Variants in UBE2QL1 observed in about 807,000 individuals in gnomAD.
The protein encoded by UBE2QL1 is ubiquitin conjugating enzyme E2 QL1.
UBE2QL1 carries 5 observed loss-of-function variants against 12.6 expected under a neutral mutation model. The ratio of observed to expected loss-of-function variants is 0.40; its 90% CI spans 0.21 to 0.83. The LOEUF (loss-of-function observed/expected upper bound fraction) is 0.83. Among genes scored for constraint, UBE2QL1 ranks in the 40% least tolerant of loss-of-function variants. UBE2QL1 has a pLI of 0.37. For synonymous variants in UBE2QL1, 96 were observed against 94.5 expected (o/e 1.02, Z -0.10); for missense variants, 99 against 222.6 (o/e 0.44, Z 3.53).
intron 1 of UBE2QL1, among the ~76,000 whole-genome samples, chr5:6,472,489 A>G (rs997699250): frequency 6.6e-6 from 1 of 152,150 alleles, no homozygotes; most frequent in African/African-American, 2.4e-5. Flanking sequence ...ACAGGACCCT[A>G]GAGGCATCTA....
chr5:6,454,044 C>A (rs1432400716), intron 1 of UBE2QL1, among the ~76,000 whole-genome samples: 2 of 152,158 alleles, frequency 1.3e-5, no homozygotes, highest in African/African-American at 4.8e-5. Flanking sequence ...CTTTGCCCAG[C>A]TAATTTTGTT....
chr5:6,466,166 G>A (rs549651051), intron 1 of UBE2QL1, among the ~76,000 whole-genome samples: 4 of 152,298 alleles, frequency 2.6e-5, no homozygotes, highest in South Asian at 2.1e-4. Context: ...GCGTCTTCAC[G>A]GTGGAACTAG....
intron 1 of UBE2QL1, among the ~76,000 whole-genome samples, chr5:6,455,827 C>T (rs966264425): frequency 6.6e-6 from 1 of 152,144 alleles, no homozygotes; most frequent in African/African-American, 2.4e-5. Flanking sequence ...CCTCCCCACC[C>T]CACCTGGCTC....
intron 1 of UBE2QL1, among the ~76,000 whole-genome samples, chr5:6,455,019 G>A (rs1378448395): frequency 6.6e-6 from 1 of 152,200 alleles, no homozygotes; most frequent in African/African-American, 2.4e-5. Flanking sequence ...TCAGCCCGGG[G>A]TGCATGGGGC....
At chr5:6,472,707 C>G (rs1345698975) in intron 1 of UBE2QL1, among the ~76,000 whole-genome samples, 1 of 152,166 alleles carries the variant, frequency 6.6e-6, no homozygotes, top group Non-Finnish European at 1.5e-5. Flanking sequence ...TTAGACATCA[C>G]AAATATTTTC....
rs970784612 is a variant in UBE2QL1 at position 6,496,362 on chromosome 5, G to A, written c.*5013G>A. Among the ~76,000 whole-genome samples the A allele has an allele frequency of 1.3e-5, 2 of 152,186 alleles. No individual in the cohort carries two copies. Among genetic ancestry groups the A allele is most frequent in the Admixed American group, 6.5e-5 (1 of 15,282 alleles). On this transcript the variant is annotated 3_prime_UTR_variant, in exon 2 of 2. Coordinates refer to ENST00000399816, the MANE Select transcript of UBE2QL1 (RefSeq NM_001145161.3). ...AACACAGAAACTGCTGTCACCTGATGTGCTTGGTTTCATTCCTGCCTGCCT... is the reference window on the plus strand; with the variant it reads ...AACACAGAAACTGCTGTCACCTGATATGCTTGGTTTCATTCCTGCCTGCCT...
chr5:6,473,741 T>C (rs1734150633), intron 1 of UBE2QL1, among the ~76,000 whole-genome samples: 2 of 152,192 alleles, frequency 1.3e-5, no homozygotes, highest in African/African-American at 4.8e-5. Context: ...GCACAAAACT[T>C]ATTTTTGCTG....
In UBE2QL1 at chr5:6,496,317, G is replaced by A. The variant is rs1734663690; in HGVS notation, c.*4968G>A. Among the ~76,000 whole-genome samples, 1 of 152,190 alleles carries A rather than the reference G, an allele frequency of 6.6e-6. No homozygotes were observed. The highest frequency in any genetic ancestry group is 2.1e-4 in the South Asian group (1 of 4,822). ...ACCTCTAGACCTTGGGCAGTCACTGGTGATGACACTAATTGAACTAACACA... is the reference window on the plus strand; with the variant it reads ...ACCTCTAGACCTTGGGCAGTCACTGATGATGACACTAATTGAACTAACACA... On this transcript the variant is annotated 3_prime_UTR_variant, in exon 2 of 2. Coordinates refer to ENST00000399816, the MANE Select transcript of UBE2QL1 (RefSeq NM_001145161.3).
chr5:6,459,292 C>T (rs1739601157), intron 1 of UBE2QL1, among the ~76,000 whole-genome samples: 1 of 152,162 alleles, frequency 6.6e-6, no homozygotes, highest in Non-Finnish European at 1.5e-5. Context: ...TAAAACTGAT[C>T]TAATAAAAAG....
chr5:6,453,710 C>CAA (rs1491512448), intron 1 of UBE2QL1, among the ~76,000 whole-genome samples: 2 of 4,158 alleles, frequency 4.8e-4, no homozygotes, highest in African/African-American at 1.3e-3. Context: ...CACACATGTG[C>CAA]ACACACACAC....
chr5:6,479,724 G>C lies in UBE2QL1; in HGVS notation c.355-11494G>C, dbSNP rs1299786912. Among the ~76,000 whole-genome samples, 1 of 152,094 alleles carries C rather than the reference G, an allele frequency of 6.6e-6. No homozygotes were observed. Among genetic ancestry groups the C allele is most frequent in the Non-Finnish European group, 1.5e-5 (1 of 68,034 alleles). On this transcript the variant is annotated intron_variant, in intron 1 of 1. Transcript: ENST00000399816. The surrounding 1 kb of genome is among the most constrained non-coding windows in gnomAD (Gnocchi z 4.2). ...GAGTGGAGTGCAGCATCCTGGGTGC[G>C]GCCCAAGAAAAGCAGCTTCCTTTTG... is the stretch of plus-strand genomic sequence containing the variant.
At position 6,472,505 on chromosome 5, in the gene UBE2QL1, T is replaced by C. The variant is rs115169596; in HGVS notation, c.355-18713T>C. 8.4e-3 allele frequency among the ~76,000 whole-genome samples: 1,285 copies of C among 152,314 alleles called. 22 individuals carry two copies. Among genetic ancestry groups the C allele is most frequent in the African/African-American group, 0.029 (1,222 of 41,578 alleles). On this transcript the variant is annotated intron_variant, in intron 1 of 1. Transcript: ENST00000399816. Reference sequence around the variant, plus strand: ...CAGGACCCTAGAGGCATCTAACTGCTGCTTTCCTTGTGCTTTCCTGATGAC... The same window carrying C: ...CAGGACCCTAGAGGCATCTAACTGCCGCTTTCCTTGTGCTTTCCTGATGAC...
chr5:6,459,263 C>A (rs1332835883), intron 1 of UBE2QL1, among the ~76,000 whole-genome samples: 1 of 152,176 alleles, frequency 6.6e-6, no homozygotes, highest in Non-Finnish European at 1.5e-5. Flanking sequence ...ACTTAAAGGA[C>A]ATTACCGTAA....
In UBE2QL1 at chr5:6,478,808, C is replaced by T. The variant is rs1331488504; in HGVS notation, c.355-12410C>T. Among the ~76,000 whole-genome samples, 2 of 152,108 alleles carry T rather than the reference C, an allele frequency of 1.3e-5. No homozygotes were observed. Among genetic ancestry groups the T allele is most frequent in the Admixed American group, 6.6e-5 (1 of 15,266 alleles). ...AGGGCTGCAGGTGGATGATCTCCTGCGCACGTGGGAGAGTGATCCTAGGAC... is the reference window on the plus strand; with the variant it reads ...AGGGCTGCAGGTGGATGATCTCCTGTGCACGTGGGAGAGTGATCCTAGGAC... On this transcript the variant is annotated intron_variant, in intron 1 of 1. Transcript: ENST00000399816. This position sits in a 1 kb window ranked among gnomAD's most constrained non-coding sequence, Gnocchi z 4.5.
rs1431503588 is a variant in UBE2QL1, at chr5:6,450,323, T to G, written c.354+1076T>G. Among the ~76,000 whole-genome samples the G allele has an allele frequency of 3.3e-5, 5 of 152,188 alleles. No individual in the cohort carries two copies. In the East Asian group the frequency reaches 7.7e-4, roughly 23 times the overall value. ...AACAGTTCTCCTGAGCCTTCTCACC[T>G]ATTGCATCAGATGGCAGCTTTACGC... is the stretch of plus-strand genomic sequence containing the variant. On this transcript the variant is annotated intron_variant, in intron 1 of 1. Coordinates refer to ENST00000399816, the MANE Select transcript of UBE2QL1 (RefSeq NM_001145161.3).
intron 1 of UBE2QL1, among the ~76,000 whole-genome samples, chr5:6,453,713 A>T (rs1374369197): frequency 1.2e-5 from 1 of 83,056 alleles, no homozygotes; most frequent in African/African-American, 3.5e-5. Context: ...ACATGTGCAC[A>T]CACACACACA....
chr5:6,484,916 A>G (rs937365725), intron 1 of UBE2QL1, among the ~76,000 whole-genome samples: 2 of 151,960 alleles, frequency 1.3e-5, no homozygotes, highest in Admixed American at 1.3e-4. Context: ...CCCTCCACTC[A>G]GCCAAGAGCC....
Position 6,476,948 on chromosome 5 carries a change from A to T in UBE2QL1, c.355-14270A>T, listed in dbSNP as rs147624644. Among the ~76,000 whole-genome samples, 380 of 151,948 alleles carry T rather than the reference A, an allele frequency of 2.5e-3. 3 individuals carry two copies. Among genetic ancestry groups the T allele is most frequent in the African/African-American group, 7.7e-3 (321 of 41,454 alleles). ...AAACTCCAGGGACCCCGAAATTCCC[A>T]CCTTCACCCCATCCTCCCCAGGATG... On this transcript the variant is annotated intron_variant, in intron 1 of 1. Transcript: ENST00000399816. This position sits in a 1 kb window ranked among gnomAD's most constrained non-coding sequence, Gnocchi z 4.9.
At chr5:6,461,873 G>A (rs1364651483) in intron 1 of UBE2QL1, among the ~76,000 whole-genome samples, 1 of 152,172 alleles carries the variant, frequency 6.6e-6, no homozygotes, top group African/African-American at 2.4e-5. Context: ...ACCGTTTAGA[G>A]GTCTCAGGTT....
Sources: gnomAD v4.1 joint callset for allele counts (sites outside exome capture counted in the v4.1 genomes callset) on GRCh38, gnomAD v4.1.1 for gene constraint, Gnocchi (gnomAD v3.1) non-coding constraint, MANE v1.5 for transcripts, NCBI Gene and HGNC (gene_info 2026-07-23, HGNC 2026-07-21) for gene names.